Variants in SPIN1 observed in about 807,000 individuals in gnomAD.
SPIN1 encodes spindlin-1.
SPIN1 carries 3 observed loss-of-function variants against 26.0 expected under a neutral mutation model. The ratio of observed to expected loss-of-function variants is 0.12; its 90% confidence interval spans 0.05 to 0.30. The LOEUF (loss-of-function observed/expected upper bound fraction) is 0.30. Ranked by LOEUF, SPIN1 falls within the 10% of genes least tolerant of loss-of-function variation. The pLI is 1.00. For synonymous variants in SPIN1, 101 were observed against 116.5 expected (o/e 0.87, Z 0.86); for missense variants, 126 against 333.4 (o/e 0.38, Z 4.84).
At chr9:88,409,224 A>G (rs1587778888) in intron 1 of SPIN1, among the ~76,000 whole-genome samples, 1 of 136,078 alleles carries the variant, frequency 7.3e-6, no homozygotes, top group South Asian at 2.4e-4. Context: ...CGAACTCCTG[A>G]CCTCAGGTGA....
chr9:88,413,218 C>T (rs1188283990), intron 1 of SPIN1, among the ~76,000 whole-genome samples: 5 of 150,854 alleles, frequency 3.3e-5, no homozygotes, highest in Admixed American at 1.3e-4. Flanking sequence ...AGGTGCGTGC[C>T]ACCACATCTG....
chr9:88,391,833 C>CCG (rs1310092348), intron 1 of SPIN1: 1 of 152,184 alleles, frequency 6.6e-6, no homozygotes, highest in Non-Finnish European at 1.5e-5. Context: ...GTGGGTCCAT[C>CCG]CGCGGTCTAG....
intron 1 of SPIN1, among the ~76,000 whole-genome samples, chr9:88,389,147 G>A (rs576743826): frequency 6.6e-6 from 1 of 152,208 alleles, no homozygotes; most frequent in South Asian, 2.1e-4. Flanking sequence ...CGCGGCGCCG[G>A]AACGCCCACC....
rs554784022 is a variant in SPIN1, at chr9:88,450,765, A to G, written c.101+1776A>G. ...ATGGAAAGGAAAAGTTGTGAGTCCCATTTTCCTATTCTCAATGTGAATCTG... is the reference window on the plus strand; with the variant it reads ...ATGGAAAGGAAAAGTTGTGAGTCCCGTTTTCCTATTCTCAATGTGAATCTG... On this transcript the variant is annotated intron_variant, in intron 3 of 5. Transcript: ENST00000375859. Among the ~76,000 whole-genome samples, 477 of 152,318 alleles carry G rather than the reference A, an allele frequency of 3.1e-3. 10 individuals carry two copies. The South Asian group carries it at 0.043, about 14-fold the overall frequency.
chr9:88,408,909 G>C (rs1408087930), intron 1 of SPIN1, among the ~76,000 whole-genome samples: 1 of 151,760 alleles, frequency 6.6e-6, no homozygotes, highest in African/African-American at 2.4e-5. Flanking sequence ...TGATCCGCCC[G>C]CCTGGGCCTC....
chr9:88,456,792 A>C (rs187918814), intron 3 of SPIN1, among the ~76,000 whole-genome samples: 165 of 152,346 alleles, frequency 1.1e-3, no homozygotes, highest in Admixed American at 2.3e-3. Context: ...TAGTCAAAAC[A>C]GAAGAACAAG....
intron 1 of SPIN1, among the ~76,000 whole-genome samples, chr9:88,414,849 A>G (rs1239629981): frequency 6.6e-6 from 1 of 152,140 alleles, no homozygotes; most frequent in East Asian, 1.9e-4. Flanking sequence ...TTGACCACGT[A>G]TTACACTTGT....
At chr9:88,443,181 T>G (rs973780387) in intron 2 of SPIN1, among the ~76,000 whole-genome samples, 15 of 152,114 alleles carry the variant, frequency 9.9e-5, no homozygotes, top group Admixed American at 8.5e-4. Context: ...ATTCCTTTCT[T>G]CCTTTACCTA....
intron 1 of SPIN1, among the ~76,000 whole-genome samples, chr9:88,397,628 T>G (rs1047985248): frequency 2.7e-5 from 4 of 148,924 alleles, no homozygotes; most frequent in Admixed American, 6.6e-5. Flanking sequence ...TTGTCTGAAG[T>G]GTTTTTTTTT....
intron 1 of SPIN1, among the ~76,000 whole-genome samples, chr9:88,401,937 A>G (rs1232696350): frequency 1.3e-5 from 2 of 152,208 alleles, no homozygotes; most frequent in Non-Finnish European, 2.9e-5. Flanking sequence ...TGTTGCATGC[A>G]TAGAATGTAT....
At chr9:88,395,069 A>T (rs943695231) in intron 1 of SPIN1, among the ~76,000 whole-genome samples, 21 of 151,868 alleles carry the variant, frequency 1.4e-4, no homozygotes, top group Admixed American at 2.6e-4. Context: ...CGGCCTGCCA[A>T]AGTGCTGGGA....
At chr9:88,473,732 C>A (rs1450197856) in intron 5 of SPIN1, among the ~76,000 whole-genome samples, 1 of 151,938 alleles carries the variant, frequency 6.6e-6, no homozygotes, top group East Asian at 1.9e-4. Context: ...CTGAAAGGGT[C>A]CTGGTCGCGT....
chr9:88,404,210 G>A (rs116268377), intron 1 of SPIN1, among the ~76,000 whole-genome samples: 2,918 of 152,268 alleles, frequency 0.019, 70 homozygotes, highest in African/African-American at 0.063. Flanking sequence ...AAGTTGCTCT[G>A]GGTGAGTGAG....
At chr9:88,432,047 A>G (rs896804217) in intron 2 of SPIN1, among the ~76,000 whole-genome samples, 1 of 152,038 alleles carries the variant, frequency 6.6e-6, no homozygotes, top group African/African-American at 2.4e-5. Flanking sequence ...AAATAGATTT[A>G]TTCTGTAACA....
chr9:88,419,002 G>T (rs1198411068), intron 1 of SPIN1: 2 of 152,150 alleles, frequency 1.3e-5, no homozygotes, highest in Non-Finnish European at 1.5e-5. Flanking sequence ...AATAGAATGA[G>T]AATTTTGAGT....
chr9:88,397,601 A>T (rs952697870), intron 1 of SPIN1, among the ~76,000 whole-genome samples: 2 of 149,380 alleles, frequency 1.3e-5, no homozygotes, highest in African/African-American at 4.9e-5. Context: ...TTCATCACCG[A>T]CTCCAACAAG....
Position 88,436,970 on chromosome 9 carries a change from T to C in SPIN1, c.52+10379T>C, listed in dbSNP as rs188889312. 5.1e-3 allele frequency among the ~76,000 whole-genome samples: 775 copies of C among 151,834 alleles called. 7 individuals carry two copies. Among genetic ancestry groups the C allele is most frequent in the African/African-American group, 0.017 (706 of 41,464 alleles). ...TTAGTAGAGACGGGGTTTCACCGTT[T>C]TAGCCGGGATGGTCTCGATCTCCTG... On this transcript the variant is annotated intron_variant, in intron 2 of 5. Transcript: ENST00000375859.
intron 2 of SPIN1, among the ~76,000 whole-genome samples, chr9:88,438,355 T>A (rs1249060844): frequency 2.6e-5 from 4 of 152,206 alleles, no homozygotes; most frequent in Non-Finnish European, 5.9e-5. Flanking sequence ...TTTTGAGATT[T>A]TTCAGCCATC....
intron 1 of SPIN1, among the ~76,000 whole-genome samples, chr9:88,400,812 T>C (rs1827169526): frequency 6.7e-6 from 1 of 149,828 alleles, no homozygotes. Context: ...GCCACTGCAC[T>C]CTAGCTGGGG....
Sources: allele counts gnomAD v4.1 joint callset (sites outside exome capture counted in the v4.1 genomes callset), GRCh38; gene constraint gnomAD v4.1.1; transcripts MANE v1.5; gene names NCBI Gene and HGNC (gene_info 2026-07-23, HGNC 2026-07-21).